The following NPRL3 variants were observed in gnomAD, a reference collection of about 807,000 sequenced individuals.
The protein encoded by NPRL3 is NPR3 like, GATOR1 complex subunit, also known as GATOR1 complex protein NPRL3.
Under a neutral mutation model 57.2 loss-of-function variants are expected in NPRL3, and 23 were observed. The ratio of observed to expected loss-of-function variants is 0.40; its 90% CI spans 0.29 to 0.57. NPRL3 has a LOEUF of 0.57. Among genes scored for constraint, NPRL3 ranks in the 20% least tolerant of loss-of-function variants. The pLI is 0.42. For missense variants in NPRL3, 691 were observed against 767.1 expected (o/e 0.90, Z 1.17); for synonymous variants, 333 against 321.1 (o/e 1.04, Z -0.39).
chr16:130,499 T>G, intron 3 of NPRL3, 23 bp downstream of exon 3: 13 of 1,547,316 alleles, frequency 8.4e-6, no homozygotes, highest in Non-Finnish European at 1.1e-5. Flanking sequence ...CGCCCCGCCC[T>G]GAAGTGGCCG....
chr16:138,336 TGAGGAGGACGGAGCCGGAGGCGGAGGGG>T lies in NPRL3; in HGVS notation c.-67-30_-67-3del. On this transcript the variant is annotated splice_polypyrimidine_tract_variant and splice_region_variant and intron_variant, in intron 1 of 13. Transcript: ENST00000611875. Reference sequence around the variant, plus strand: ...GACGGAGCCGGAGGCGGAGGGGGCCTGAGGAGGACGGAGCCGGAGGCGGAGGGGGCCTGAGGAGGACGAGGCGGGGACG... The same window carrying T: ...GACGGAGCCGGAGGCGGAGGGGGCCTGCCTGAGGAGGACGAGGCGGGGACG... 1.8e-6 allele frequency: 1 copy of T among 551,896 alleles called. No homozygotes were observed. The highest frequency in any genetic ancestry group is 4.2e-5 in the African/African-American group (1 of 23,688). The allele number at this position is 551,896 out of a possible 1,614,324, so 34.2% of individuals were successfully genotyped here.
chr16:136,610 T>C (rs1385136878), intron 2 of NPRL3, among the ~76,000 whole-genome samples: 1 of 150,594 alleles, frequency 6.6e-6, no homozygotes. Flanking sequence ...GAGAATTGCT[T>C]GACAGGGGGT....
At chr16:136,621 C>G (rs1488922248) in intron 2 of NPRL3, among the ~76,000 whole-genome samples, 2 of 146,844 alleles carry the variant, frequency 1.4e-5, no homozygotes, top group East Asian at 4.0e-4. Context: ...GACAGGGGGT[C>G]GGAGGTTGCG....
intron 11 of NPRL3, chr16:90,673 C>T (rs1249051708): frequency 6.6e-6 from 1 of 152,300 alleles, no homozygotes; most frequent in Non-Finnish European, 1.5e-5. Flanking sequence ...AGATACACAT[C>T]TGTCTACTCA....
At chr16:112,807 C>T (rs775635681) in intron 5 of NPRL3, 32 bp from the exon 6 acceptor site, 3 of 1,544,366 alleles carry the variant, frequency 1.9e-6, no homozygotes, top group East Asian at 2.3e-5. Flanking sequence ...CAGACTCAAA[C>T]GTGTGCACAG....
At chr16:137,415 C>T (rs887602944) in intron 2 of NPRL3, among the ~76,000 whole-genome samples, 10 of 152,350 alleles carry the variant, frequency 6.6e-5, no homozygotes, top group Admixed American at 5.9e-4. Flanking sequence ...CGATGAAAAA[C>T]CTCACGCGAC....
chr16:127,916 A>G (rs752830338), intron 3 of NPRL3, among the ~76,000 whole-genome samples: 56 of 152,032 alleles, frequency 3.7e-4, no homozygotes, highest in Non-Finnish European at 6.2e-4. Flanking sequence ...TGGCCTCCCA[A>G]AGGGCTGGGA....
chr16:94,239 C>T (rs963548917), intron 9 of NPRL3, among the ~76,000 whole-genome samples: 1 of 152,134 alleles, frequency 6.6e-6, no homozygotes, highest in African/African-American at 2.4e-5. Flanking sequence ...ACCCAAACCC[C>T]TTCCAGAGGA....
At chr16:114,067 A>G (rs1899928216) in intron 5 of NPRL3, among the ~76,000 whole-genome samples, 1 of 152,162 alleles carries the variant, frequency 6.6e-6, no homozygotes, top group Admixed American at 6.5e-5. Flanking sequence ...CTCAAAACAA[A>G]ATACCCACCT....
chr16:106,821 A>C (rs1294455597), intron 7 of NPRL3, among the ~76,000 whole-genome samples: 1 of 151,964 alleles, frequency 6.6e-6, no homozygotes, highest in Non-Finnish European at 1.5e-5. Flanking sequence ...CAGTAATGGA[A>C]ACTCAGTCTC....
At position 85,942 on chromosome 16, in the gene NPRL3, C is replaced by T. The variant is rs1898448284; in HGVS notation, c.*763G>A. On this transcript the variant is annotated 3_prime_UTR_variant, in exon 14 of 14. Transcript: ENST00000611875. ...GAGCTGGGGGCCTGAGTACGTAGCG[C>T]CAGGCCCGGTGTGGATGCTGGGGAG... The T allele has an allele frequency of 1.2e-6, 1 of 814,212 alleles. No homozygotes were observed. The highest frequency in any genetic ancestry group is 3.1e-5 in the East Asian group (1 of 31,830). The allele number at this position is 814,212 out of a possible 1,614,324, so 50.4% of individuals were successfully genotyped here.
intron 8 of NPRL3, among the ~76,000 whole-genome samples, chr16:98,617 G>C (rs964858922): frequency 3.3e-5 from 5 of 152,242 alleles, no homozygotes; most frequent in African/African-American, 4.8e-5. Flanking sequence ...AGCGGGATTT[G>C]AGAAAAGGGC....
chr16:92,509 C>T (rs1025695506), intron 11 of NPRL3, 87 bp downstream of exon 11: 2 of 1,486,460 alleles, frequency 1.3e-6, no homozygotes, highest in African/African-American at 1.4e-5. Context: ...GTGCTGAGGG[C>T]TCTCAGATCA....
intron 7 of NPRL3, among the ~76,000 whole-genome samples, chr16:106,005 G>C (rs530855835): frequency 1.3e-5 from 2 of 152,310 alleles, no homozygotes; most frequent in Admixed American, 6.5e-5. Context: ...CATAACCCTA[G>C]CTTTAATTAA....
At chr16:114,653 C>A (rs79555041) in intron 5 of NPRL3, among the ~76,000 whole-genome samples, 14 of 152,316 alleles carry the variant, frequency 9.2e-5, no homozygotes, top group African/African-American at 3.4e-4. Context: ...CTGGTTCAGA[C>A]AGTCCAGCTG....
At chr16:137,357 G>A (rs929137484) in intron 2 of NPRL3, among the ~76,000 whole-genome samples, 2 of 152,230 alleles carry the variant, frequency 1.3e-5, no homozygotes, top group Non-Finnish European at 2.9e-5. Flanking sequence ...AAGGCAGACG[G>A]AGCTCCAAGG....
chr16:136,297 A>T (rs1901073311), intron 2 of NPRL3, among the ~76,000 whole-genome samples: 1 of 152,256 alleles, frequency 6.6e-6, no homozygotes, highest in Non-Finnish European at 1.5e-5. Context: ...AGGGTGCTCG[A>T]CAGGTTCTGA....
At chr16:88,506 C>T (rs1219964617) in intron 13 of NPRL3, among the ~76,000 whole-genome samples, 192 bp downstream of exon 13, 1 of 152,150 alleles carries the variant, frequency 6.6e-6, no homozygotes, top group East Asian at 1.9e-4. Flanking sequence ...GGCCCGGCGT[C>T]TTGGTGACAA....
intron 2 of NPRL3, among the ~76,000 whole-genome samples, chr16:135,608 C>CAAAAAAAAAAAAAAAA (rs555589072): frequency 1.8e-5 from 1 of 56,840 alleles, no homozygotes. Context: ...GACTCTGTCT[C>CAAAAAAAAAAAAAAAA]AAAAAAAAAA....
Sources: gnomAD v4.1 joint callset for allele counts (sites outside exome capture counted in the v4.1 genomes callset) on GRCh38, gnomAD v4.1.1 for gene constraint, MANE v1.5 for transcripts, NCBI Gene and HGNC (gene_info 2026-07-23, HGNC 2026-07-21) for gene names.